KCNJ6: variants seen among roughly 807,000 people sequenced by gnomAD.
The protein encoded by KCNJ6 is G protein-activated inward rectifier potassium channel 2.
A neutral mutation model predicts 34.2 loss-of-function variants in KCNJ6; 9 were observed. The observed-to-expected ratio is 0.26, with a 90% CI of 0.16 to 0.46. The LOEUF (loss-of-function observed/expected upper bound fraction) is 0.46. Among genes scored for constraint, KCNJ6 ranks in the 20% least tolerant of loss-of-function variants. The pLI, the probability that KCNJ6 is intolerant of heterozygous loss-of-function variation, is 1.00. For synonymous variants in KCNJ6, 196 were observed against 207.1 expected (o/e 0.95, Z 0.46); for missense variants, 236 against 531.3 (o/e 0.44, Z 5.46).
At chr21:37,847,759 GGA>G (rs1426649845) in intron 1 of KCNJ6, among the ~76,000 whole-genome samples, 2 of 149,306 alleles carry the variant, frequency 1.3e-5, no homozygotes, top group African/African-American at 5.0e-5. Context: ...AGAGAGAGAG[GGA>G]GAGAGAGAGG....
At chr21:37,640,520 C>T (rs2123376494) in intron 3 of KCNJ6, among the ~76,000 whole-genome samples, 1 of 152,370 alleles carries the variant, frequency 6.6e-6, no homozygotes, top group Non-Finnish European at 1.5e-5. Flanking sequence ...AACAGCTGAC[C>T]TTTCTTGTAG....
At chr21:37,888,090 T>C (rs118049255) in intron 1 of KCNJ6, among the ~76,000 whole-genome samples, 1 of 152,220 alleles carries the variant, frequency 6.6e-6, no homozygotes, top group Non-Finnish European at 1.5e-5. Flanking sequence ...ATTGTCTCCA[T>C]GACAGGCCCA....
At chr21:37,872,411 G>A (rs575302970) in intron 1 of KCNJ6, among the ~76,000 whole-genome samples, 1 of 152,298 alleles carries the variant, frequency 6.6e-6, no homozygotes, top group Non-Finnish European at 1.5e-5. Flanking sequence ...CTTCCTCTGT[G>A]TCACCGGCAT....
chr21:37,851,495 CTG>C (rs963648314), intron 1 of KCNJ6, among the ~76,000 whole-genome samples: 6 of 152,098 alleles, frequency 3.9e-5, no homozygotes, highest in African/African-American at 1.4e-4. Context: ...CAGATGGAAA[CTG>C]TATTATTTTC....
chr21:37,608,505 C>T lies in KCNJ6; in HGVS notation c.*16654G>A, dbSNP rs1245509382. The T allele has an allele frequency of 6.6e-6, 1 of 152,230 alleles. No individual in the cohort carries two copies. The highest frequency in any genetic ancestry group is 1.5e-5 in the Non-Finnish European group (1 of 68,038). The allele number at this position is 152,230 out of a possible 1,614,324, so 9.4% of individuals were successfully genotyped here. ...AACCTAAGCAGTCTTTGAGAAATGT[C>T]AGGGCAAATGTCCCTTTCTTCCTCA... On this transcript the variant is annotated 3_prime_UTR_variant, in exon 4 of 4. Coordinates refer to ENST00000609713, the MANE Select transcript of KCNJ6 (RefSeq NM_002240.5).
chr21:37,809,448 C>T (rs986214682), intron 2 of KCNJ6, among the ~76,000 whole-genome samples: 6 of 151,898 alleles, frequency 4.0e-5, no homozygotes, highest in East Asian at 3.9e-4. Flanking sequence ...ATGGGTGCAG[C>T]ACACCAACAT....
chr21:37,817,471 A>C (rs555706404), intron 2 of KCNJ6, among the ~76,000 whole-genome samples: 1 of 152,368 alleles, frequency 6.6e-6, no homozygotes, highest in Admixed American at 6.5e-5. Flanking sequence ...AGAGAGGTTA[A>C]GAAACTTTCC....
chr21:37,893,188 T>A (rs565408208), intron 1 of KCNJ6, among the ~76,000 whole-genome samples: 1 of 151,350 alleles, frequency 6.6e-6, no homozygotes, highest in East Asian at 2.0e-4. Context: ...CATTCCTGGG[T>A]ACCCTTTTGA....
chr21:37,741,281 T>A (rs887908328), intron 2 of KCNJ6, among the ~76,000 whole-genome samples: 2 of 152,220 alleles, frequency 1.3e-5, no homozygotes, highest in Non-Finnish European at 2.9e-5. Context: ...CCCTCTGGAC[T>A]CTCTCTGCAG....
Position 37,741,443 on chromosome 21 carries a change from G to A in KCNJ6, c.26-26312C>T, listed in dbSNP as rs953829182. The stretch of plus-strand genomic sequence containing the variant: ...GATGGGTTGAGTTGAAATGGGCTGT[G>A]TTCCTCTTCCTACAACCATAGTCCC... On this transcript the variant is annotated intron_variant, in intron 2 of 3. Transcript: ENST00000609713. Among the ~76,000 whole-genome samples the A allele has an allele frequency of 2.6e-5, 4 of 152,266 alleles. 1 individual carries two copies. Among genetic ancestry groups the A allele is most frequent in the African/African-American group, 7.2e-5 (3 of 41,554 alleles).
chr21:37,875,700 A>C (rs901335267), intron 1 of KCNJ6, among the ~76,000 whole-genome samples: 2 of 152,182 alleles, frequency 1.3e-5, no homozygotes, highest in Non-Finnish European at 2.9e-5. Context: ...GGTAGAAGGA[A>C]AACCATGGCC....
chr21:37,832,746 A>G (rs3787843), intron 2 of KCNJ6, among the ~76,000 whole-genome samples: 118,560 of 152,054 alleles, frequency 0.78, 46,832 homozygotes, highest in East Asian at 0.97. Flanking sequence ...ACATCCAGAT[A>G]GGCTTAGCCA....
At chr21:37,715,524 C>T (rs1211801470) in intron 2 of KCNJ6, among the ~76,000 whole-genome samples, 1 of 152,204 alleles carries the variant, frequency 6.6e-6, no homozygotes, top group Non-Finnish European at 1.5e-5. Flanking sequence ...AGCTCTACTA[C>T]TTAGCAACTC....
intron 1 of KCNJ6, among the ~76,000 whole-genome samples, chr21:37,857,661 T>C (rs910231362): frequency 6.6e-6 from 1 of 152,206 alleles, no homozygotes; most frequent in Non-Finnish European, 1.5e-5. Flanking sequence ...TGTGCTATGC[T>C]TCCTGGGCCC....
chr21:37,793,670 T>C (rs570565212), intron 2 of KCNJ6, among the ~76,000 whole-genome samples: 6 of 152,050 alleles, frequency 3.9e-5, no homozygotes, highest in African/African-American at 1.2e-4. Flanking sequence ...GCAAGAATCA[T>C]GCAAGAGTGG....
At chr21:37,880,873 G>C (rs1348855068) in intron 1 of KCNJ6, among the ~76,000 whole-genome samples, 1 of 152,192 alleles carries the variant, frequency 6.6e-6, no homozygotes, top group Non-Finnish European at 1.5e-5. Flanking sequence ...CCTGCTCTAG[G>C]TTGTCAGAAG....
intron 2 of KCNJ6, among the ~76,000 whole-genome samples, chr21:37,715,720 G>A (rs769592040): frequency 1.1e-4 from 16 of 152,276 alleles, no homozygotes; most frequent in Non-Finnish European, 1.5e-4. Flanking sequence ...ATCCTTATGC[G>A]AAGAGGGAGA....
chr21:37,684,229 T>C (rs2054603173), intron 3 of KCNJ6, among the ~76,000 whole-genome samples: 1 of 152,146 alleles, frequency 6.6e-6, no homozygotes, highest in Admixed American at 6.5e-5. Flanking sequence ...TCCAGGCCTC[T>C]CCCCCGGGTT....
rs2054559081 is a variant in KCNJ6, at chr21:37,675,176, G to A, written c.946+39035C>T. Among the ~76,000 whole-genome samples the A allele has an allele frequency of 3.3e-5, 5 of 152,136 alleles. No homozygotes were observed. On this transcript the variant is annotated intron_variant, in intron 3 of 3. Transcript: ENST00000609713. This position sits in a 1 kb window ranked among gnomAD's most constrained non-coding sequence, Gnocchi z 4.2. ...ATTTAATGTGATATTCCCAGCGTCT[G>A]GCAATGTAGCAGGGGCTCCGTTTTG... is the stretch of plus-strand genomic sequence containing the variant.
Sources: allele counts gnomAD v4.1 joint callset (sites outside exome capture counted in the v4.1 genomes callset), GRCh38; gene constraint gnomAD v4.1.1; non-coding constraint Gnocchi (gnomAD v3.1); transcripts MANE v1.5; gene names NCBI Gene and HGNC (gene_info 2026-07-23, HGNC 2026-07-21).